PLAC1: variants seen among roughly 807,000 people sequenced by gnomAD.
The protein encoded by PLAC1 is placenta associated 1, also known as placenta-specific protein 1.
For missense variants in PLAC1, 136 were observed against 163.2 expected, an observed-to-expected ratio of 0.83 and a Z score of 0.91; for synonymous variants, 68 against 62.1, an observed-to-expected ratio of 1.09 and a Z score of -0.44.
At chrX:134,711,729 A>G (rs1460816630) in intron 2 of PLAC1, among the ~76,000 whole-genome samples, 4 of 111,856 alleles carry the variant, frequency 3.6e-5, no homozygotes, top group Non-Finnish European at 7.5e-5. Context: ...AGCCAGATGT[A>G]CATCTGCATG....
At chrX:134,584,314 C>G (rs1602799949) in intron 2 of PLAC1, among the ~76,000 whole-genome samples, 1 of 112,089 alleles carries the variant, frequency 8.9e-6, no homozygotes, top group African/African-American at 3.2e-5. Flanking sequence ...GGCAGCCCAG[C>G]AAGGGGTATC....
At chrX:134,759,732 G>A (rs778634788) in intron 1 of PLAC1, among the ~76,000 whole-genome samples, 1 of 111,937 alleles carries the variant, frequency 8.9e-6, no homozygotes, top group Non-Finnish European at 1.9e-5. Flanking sequence ...ATACTATATA[G>A]TTATAAAAAA....
chrX:134,735,463 GAGAA>G (rs1353222583), intron 1 of PLAC1, among the ~76,000 whole-genome samples: 1 of 111,277 alleles, frequency 9.0e-6, no homozygotes, highest in African/African-American at 3.3e-5. Flanking sequence ...AAAAGAACTG[GAGAA>G]AGAATTAGAG....
At chrX:134,701,197 T>G (rs2078582126) in intron 2 of PLAC1, among the ~76,000 whole-genome samples, 1 of 111,970 alleles carries the variant, frequency 8.9e-6, no homozygotes, top group African/African-American at 3.2e-5. Flanking sequence ...AAGGAATCCC[T>G]ATTCAATAAA....
intron 2 of PLAC1, among the ~76,000 whole-genome samples, chrX:134,592,584 A>C (rs1489304681): frequency 9.0e-6 from 1 of 110,900 alleles, no homozygotes; most frequent in East Asian, 2.8e-4. Context: ...TTTGAACTCA[A>C]GTTGCAACAT....
chrX:134,633,842 G>C lies in PLAC1; in HGVS notation c.-131+24486C>G, dbSNP rs191961043. ...GTAAATTCACCCTGATTTTGTGCTT[G>C]GATTCTCAGACTTGACTCCTAGATT... On this transcript the variant is annotated intron_variant, in intron 1 of 2. Transcript: ENST00000359237. Among the ~76,000 whole-genome samples the C allele has an allele frequency of 9.3e-4, 104 of 111,340 alleles. 1 individual carries two copies. The highest frequency in any genetic ancestry group is 3.1e-3 in the African/African-American group (96 of 30,597).
chrX:134,588,071 C>T (rs1328847206), intron 2 of PLAC1, among the ~76,000 whole-genome samples: 2 of 111,486 alleles, frequency 1.8e-5, no homozygotes, highest in Non-Finnish European at 3.8e-5. Flanking sequence ...TTGTTGTATT[C>T]TTTCTGAGAG....
intron 2 of PLAC1, among the ~76,000 whole-genome samples, chrX:134,714,912 T>C (rs1271598218): frequency 8.9e-6 from 1 of 112,097 alleles, no homozygotes; most frequent in Non-Finnish European, 1.9e-5. Flanking sequence ...ATTTGGGTTG[T>C]TTCCACATTT....
chrX:134,583,962 C>T, intron 2 of PLAC1, among the ~76,000 whole-genome samples: 1 of 110,076 alleles, frequency 9.1e-6, no homozygotes, highest in Non-Finnish European at 1.9e-5. Context: ...CTAGCCCAGG[C>T]CCATGCCTGA....
chrX:134,595,375 G>C (rs181440562), intron 2 of PLAC1, among the ~76,000 whole-genome samples: 1 of 109,982 alleles, frequency 9.1e-6, no homozygotes, highest in African/African-American at 3.3e-5. Flanking sequence ...GTTATTGTTG[G>C]TATTGTTGAG....
chrX:134,707,974 G>A (rs1171763112), intron 2 of PLAC1, among the ~76,000 whole-genome samples: 1 of 111,550 alleles, frequency 9.0e-6, no homozygotes, highest in Non-Finnish European at 1.9e-5. Flanking sequence ...GCTACACAAA[G>A]ACATAACTCT....
rs142368972 is a variant in PLAC1, at chrX:134,628,135, A to T, written c.-130-26013T>A. Among the ~76,000 whole-genome samples the T allele has an allele frequency of 2.2e-3, 243 of 112,449 alleles. 1 individual carries two copies. Among genetic ancestry groups the T allele is most frequent in the African/African-American group, 7.5e-3 (232 of 31,001 alleles). On this transcript the variant is annotated intron_variant, in intron 1 of 2. Transcript: ENST00000359237. ...CGTAAGTGCTCAATAAATGGTAGCT[A>T]TTATTAATGTTATTATTAAACCAAG... is the stretch of plus-strand genomic sequence containing the variant.
At chrX:134,668,086 C>G (rs997704338) in intron 2 of PLAC1, among the ~76,000 whole-genome samples, 5 of 111,952 alleles carry the variant, frequency 4.5e-5, no homozygotes, top group Admixed American at 9.4e-5. Flanking sequence ...TGGAAACAAC[C>G]CAAATGCCCA....
chrX:134,719,302 C>A (rs764813341), intron 2 of PLAC1, among the ~76,000 whole-genome samples: 1 of 112,064 alleles, frequency 8.9e-6, no homozygotes, highest in Non-Finnish European at 1.9e-5. Context: ...CTGAATCCAA[C>A]AACAAATAAA....
intron 2 of PLAC1, among the ~76,000 whole-genome samples, chrX:134,680,530 GAACTAAACTAAACTGAACTAAACTA>G (rs1443658688): frequency 2.1e-5 from 2 of 96,100 alleles, no homozygotes; most frequent in Non-Finnish European, 4.1e-5. Context: ...AAACTAAACT[GAACTAAACTAAACTGAACTAAACTA>G]AACTAAACTA....
intron 1 of PLAC1, among the ~76,000 whole-genome samples, chrX:134,635,588 C>T (rs997108067): frequency 9.0e-6 from 1 of 111,700 alleles, no homozygotes; most frequent in African/African-American, 3.3e-5. Flanking sequence ...AATTCCCCTG[C>T]CTCGGCCTCC....
chrX:134,676,631 T>C (rs2078476376), intron 2 of PLAC1, among the ~76,000 whole-genome samples: 1 of 112,409 alleles, frequency 8.9e-6, no homozygotes, highest in Non-Finnish European at 1.9e-5. Flanking sequence ...GGCCCTGCCC[T>C]TTACAGAGCA....
At chrX:134,638,901 C>T (rs2078295761) in intron 1 of PLAC1, among the ~76,000 whole-genome samples, 1 of 111,188 alleles carries the variant, frequency 9.0e-6, no homozygotes, top group Admixed American at 9.6e-5. Flanking sequence ...AAGCACAGTA[C>T]CCAATATGTA....
In PLAC1 at chrX:134,566,124, G is replaced by A. The variant is rs374502305; in HGVS notation, c.559C>T (p.Gln187Ter). The A allele has an allele frequency of 3.3e-6, 4 of 1,205,501 alleles. No individual in the cohort carries two copies. The highest frequency in any genetic ancestry group is 3.4e-6 in the Non-Finnish European group (3 of 890,936). The change falls in exon 3 of 3, where the codon CAA becomes TAA. Residue 187 changes from glutamine (Q) to a stop codon, truncating the protein, a stop_gained. Transcript: ENST00000359237. LOFTEE classifies it low-confidence loss of function (END_TRUNC). ...PCHQAGAQEAQPLQPSHFLDI... is the reference protein window; with the variant it reads ...PCHQAGAQEA ...AGAAAGTGAGATGGCTGCAGAGGTT[G>A]AGCCTCCTGAGCCCCTGCTTGGTGA...
Sources: gnomAD v4.1 joint callset for allele counts (sites outside exome capture counted in the v4.1 genomes callset) on GRCh38, gnomAD v4.1.1 for gene constraint, MANE v1.5 for transcripts, NCBI Gene and HGNC (gene_info 2026-07-23, HGNC 2026-07-21) for gene names.